Variants in NFAT5 observed in about 807,000 individuals in gnomAD.
NFAT5 encodes the protein nuclear factor of activated T cells 5, also known as nuclear factor of activated T-cells 5.
Under a neutral mutation model 166.5 loss-of-function variants are expected in NFAT5, and 31 were observed. The ratio of observed to expected loss-of-function variants is 0.19; its 90% CI spans 0.14 to 0.25. The LOEUF (loss-of-function observed/expected upper bound fraction) is 0.25, where lower values mean the gene tolerates loss of function less well. Among genes scored for constraint, NFAT5 ranks in the 10% least tolerant of loss-of-function variants. The probability of loss-of-function intolerance (pLI) is 1.00; values close to 1 mark genes in which losing one functional copy is unlikely to be tolerated. For synonymous variants in NFAT5, 612 were observed against 639.7 expected (o/e 0.96, Z 0.65); for missense variants, 1,449 against 1,821.8 (o/e 0.80, Z 3.72).
intron 2 of NFAT5, among the ~76,000 whole-genome samples, chr16:69,608,981 C>T (rs903784488): frequency 6.6e-6 from 1 of 150,792 alleles, no homozygotes; most frequent in Admixed American, 6.6e-5. Flanking sequence ...ATTAGCCAGG[C>T]GTGGTGGCAG....
chr16:69,598,380 T>TAAA (rs374912279), intron 2 of NFAT5, among the ~76,000 whole-genome samples: 4 of 118,980 alleles, frequency 3.4e-5, no homozygotes, highest in African/African-American at 6.3e-5. Context: ...CCTGTCTCTT[T>TAAA]AAAAAAAAAA....
chr16:69,589,248 C>G lies in NFAT5; in HGVS notation c.127+20700C>G, dbSNP rs560632215. Among the ~76,000 whole-genome samples the G allele has an allele frequency of 2.0e-5, 3 of 152,268 alleles. No individual in the cohort carries two copies. The East Asian group carries it at 5.8e-4, about 29-fold the overall frequency. ...ACCTCAGGTGATCCACCCACTGCAG[C>G]CTCCCAAAGTGCTGGGATTACAGGC... On this transcript the variant is annotated intron_variant, in intron 2 of 14. Coordinates refer to ENST00000349945, the MANE Select transcript of NFAT5 (RefSeq NM_138713.4).
At chr16:69,592,980 T>A (rs1299029337) in intron 2 of NFAT5, among the ~76,000 whole-genome samples, 1 of 152,220 alleles carries the variant, frequency 6.6e-6, no homozygotes, top group Non-Finnish European at 1.5e-5. Context: ...ATTGGGAATT[T>A]TATTTTTTTT....
intron 3 of NFAT5, among the ~76,000 whole-genome samples, chr16:69,638,856 C>T (rs2035084263): frequency 6.6e-6 from 1 of 151,688 alleles, no homozygotes; most frequent in Non-Finnish European, 1.5e-5. Flanking sequence ...GATAATATCC[C>T]TTGGAACTTT....
intron 3 of NFAT5, among the ~76,000 whole-genome samples, 153 bp from the exon 4 acceptor site, chr16:69,646,875 G>A (rs2035458710): frequency 6.6e-6 from 1 of 152,068 alleles, no homozygotes; most frequent in African/African-American, 2.4e-5. Context: ...GCCTTATATT[G>A]CTTGAAGCAT....
chr16:69,638,370 T>C (rs950085933), intron 3 of NFAT5, among the ~76,000 whole-genome samples: 1 of 152,216 alleles, frequency 6.6e-6, no homozygotes, highest in Admixed American at 6.5e-5. Flanking sequence ...TAAAACCTGA[T>C]TGATTAAATC....
chr16:69,643,915 G>C (rs1264157429), intron 3 of NFAT5, among the ~76,000 whole-genome samples: 1 of 152,076 alleles, frequency 6.6e-6, no homozygotes, highest in African/African-American at 2.4e-5. Context: ...CAGATCTCTT[G>C]CTAACCAGAA....
chr16:69,688,207 A>AAAAAAAC (rs1334299823), intron 11 of NFAT5, among the ~76,000 whole-genome samples: 1 of 118,370 alleles, frequency 8.4e-6, no homozygotes, highest in Admixed American at 8.4e-5. Flanking sequence ...CGTCTCAAAA[A>AAAAAAAC]AAAAAAAAAA....
At chr16:69,582,075 G>A (rs2031736750) in intron 2 of NFAT5, among the ~76,000 whole-genome samples, 1 of 152,054 alleles carries the variant, frequency 6.6e-6, no homozygotes, top group Non-Finnish European at 1.5e-5. Flanking sequence ...GACCAGGCTG[G>A]GCAACATGGT....
chr16:69,631,820 A>G (rs1007986569), intron 3 of NFAT5, among the ~76,000 whole-genome samples: 8 of 152,144 alleles, frequency 5.3e-5, no homozygotes, highest in Non-Finnish European at 8.8e-5. Flanking sequence ...ACATGTATAA[A>G]GATAATACAC....
intron 2 of NFAT5, among the ~76,000 whole-genome samples, chr16:69,604,411 G>C (rs2033295750): frequency 6.6e-6 from 1 of 152,086 alleles, no homozygotes; most frequent in South Asian, 2.1e-4. Flanking sequence ...TTTTTATATA[G>C]GTAAACTCGG....
At chr16:69,680,178 A>G (rs2036999401) in intron 10 of NFAT5, among the ~76,000 whole-genome samples, 1 of 152,204 alleles carries the variant, frequency 6.6e-6, no homozygotes. Context: ...ATAGTTACTA[A>G]ATATTGACAT....
intron 2 of NFAT5, among the ~76,000 whole-genome samples, chr16:69,608,948 C>T (rs1261938654): frequency 2.6e-5 from 4 of 151,292 alleles, no homozygotes; most frequent in Non-Finnish European, 4.4e-5. Flanking sequence ...GGTGAAAACC[C>T]GTCTGTACTA....
At chr16:69,695,024 A>G in intron 13 of NFAT5, 112 bp from the exon 14 acceptor site, 1 of 813,890 alleles carries the variant, frequency 1.2e-6, no homozygotes, top group Non-Finnish European at 1.9e-6. Flanking sequence ...AATTTTCCCC[A>G]ACAACTAATA....
Position 69,647,668 on chromosome 16 carries a change from C to A in NFAT5, c.812+82C>A. 1 of 1,297,992 alleles carries A rather than the reference C, an allele frequency of 7.7e-7. No homozygotes were observed. Among genetic ancestry groups the A allele is most frequent in the Non-Finnish European group, 1.0e-6 (1 of 954,326 alleles). The allele number at this position is 1,297,992 out of a possible 1,614,324, so 80.4% of individuals were successfully genotyped here. On this transcript the variant is annotated intron_variant, in intron 4 of 14. Transcript: ENST00000349945. This position sits in a 1 kb window ranked among gnomAD's most constrained non-coding sequence, Gnocchi z 4.8. Reference sequence around the variant, plus strand: ...AAAAATTCCCAATTTTTCCTAATTGCTGAGCTCAAGTTTGCATATAAAGCA... The same window carrying A: ...AAAAATTCCCAATTTTTCCTAATTGATGAGCTCAAGTTTGCATATAAAGCA...
rs1461945923 is a variant in NFAT5 at position 69,700,466 on chromosome 16, C to A, written c.*4115C>A. 1 of 152,170 alleles carries A rather than the reference C, an allele frequency of 6.6e-6. No homozygotes were observed. The allele number at this position is 152,170 out of a possible 1,614,324, so 9.4% of individuals were successfully genotyped here. On this transcript the variant is annotated 3_prime_UTR_variant, in exon 15 of 15. Coordinates refer to ENST00000349945, the MANE Select transcript of NFAT5 (RefSeq NM_138713.4). Reference sequence around the variant, plus strand: ...AAATGCTTGTTTTAGGAAAGTGAATCTGTTAGATGCATCAACAAATAATGA... The same window carrying A: ...AAATGCTTGTTTTAGGAAAGTGAATATGTTAGATGCATCAACAAATAATGA...
chr16:69,596,901 G>T (rs538218486), intron 2 of NFAT5, among the ~76,000 whole-genome samples: 25 of 152,182 alleles, frequency 1.6e-4, no homozygotes, highest in African/African-American at 5.1e-4. Flanking sequence ...ATTAAAAAGA[G>T]TATGTTAGGT....
intron 2 of NFAT5, among the ~76,000 whole-genome samples, chr16:69,624,601 A>G (rs77172562): frequency 0.059 from 8,968 of 152,256 alleles, 290 homozygotes; most frequent in Middle Eastern, 0.11. Context: ...GCTTTCTTTC[A>G]TGACCTTCCT....
intron 10 of NFAT5, among the ~76,000 whole-genome samples, chr16:69,683,645 G>T (rs1243002352): frequency 6.6e-6 from 1 of 151,870 alleles, no homozygotes; most frequent in Non-Finnish European, 1.5e-5. Context: ...TTATATTTAG[G>T]CCCATTAAAT....
Sources: allele counts gnomAD v4.1 joint callset (sites outside exome capture counted in the v4.1 genomes callset), GRCh38; gene constraint gnomAD v4.1.1; non-coding constraint Gnocchi (gnomAD v3.1); transcripts MANE v1.5; gene names NCBI Gene and HGNC (gene_info 2026-07-23, HGNC 2026-07-21).